The following KIRREL3 variants were observed in gnomAD, a reference collection of about 807,000 sequenced individuals.
KIRREL3 encodes kin of IRRE-like protein 3.
A neutral mutation model predicts 89.7 loss-of-function variants in KIRREL3; 36 were observed. The ratio of observed to expected loss-of-function variants is 0.40; its 90% CI spans 0.31 to 0.53. The LOEUF (loss-of-function observed/expected upper bound fraction) is 0.53. Ranked by LOEUF, KIRREL3 falls within the 20% of genes least tolerant of loss-of-function variation. The pLI is 0.49. For synonymous variants in KIRREL3, 445 were observed against 441.4 expected (o/e 1.01, Z -0.10); for missense variants, 864 against 1,056.6 (o/e 0.82, Z 2.53).
chr11:126,979,946 T>G (rs780996643), intron 1 of KIRREL3, among the ~76,000 whole-genome samples: 2 of 152,148 alleles, frequency 1.3e-5, no homozygotes, highest in Non-Finnish European at 2.9e-5. Flanking sequence ...TTTAAAACAT[T>G]AGAGTTTCTC....
chr11:126,675,672 G>C (rs896545576), intron 1 of KIRREL3, among the ~76,000 whole-genome samples: 2 of 152,170 alleles, frequency 1.3e-5, no homozygotes, highest in African/African-American at 4.8e-5. Flanking sequence ...GGATGACTGG[G>C]AGCCAACCAT....
At chr11:126,671,704 G>A (rs1008541178) in intron 1 of KIRREL3, among the ~76,000 whole-genome samples, 5 of 151,716 alleles carry the variant, frequency 3.3e-5, no homozygotes. Context: ...CTGTCATTAG[G>A]GAAATGCAAA....
chr11:126,494,606 T>C (rs558892889), intron 4 of KIRREL3, among the ~76,000 whole-genome samples: 136 of 152,236 alleles, frequency 8.9e-4, no homozygotes, highest in Non-Finnish European at 1.7e-3. Flanking sequence ...TTGGGTACCC[T>C]TTACATTTTG....
chr11:126,457,370 C>CGT (rs58386771), intron 6 of KIRREL3, among the ~76,000 whole-genome samples: 96,147 of 149,696 alleles, frequency 0.64, 31,010 homozygotes, highest in East Asian at 0.85. Context: ...TGTGTGTATG[C>CGT]GTGTATGTGT....
At chr11:126,538,766 A>C (rs1046962270) in intron 2 of KIRREL3, among the ~76,000 whole-genome samples, 3 of 152,242 alleles carry the variant, frequency 2.0e-5, no homozygotes, top group African/African-American at 7.2e-5. Flanking sequence ...AGCAATCTCC[A>C]AGTCCCCAGG....
rs540935969 is a variant in KIRREL3, at chr11:126,991,593, C to A, written c.55+8862G>T. ...GTTATTTCCTCTGGAAACTTTGTAC[C>A]CCGAGGTAAAACTGAATGCCAGAAA... On this transcript the variant is annotated intron_variant, in intron 1 of 16. Coordinates refer to ENST00000525144, the MANE Select transcript of KIRREL3 (RefSeq NM_032531.4). The surrounding 1 kb of genome is among the most constrained non-coding windows in gnomAD (Gnocchi z 5.8). Among the ~76,000 whole-genome samples the A allele has an allele frequency of 1.6e-4, 25 of 152,110 alleles. No homozygotes were observed. The highest frequency in any genetic ancestry group is 6.0e-4 in the African/African-American group (25 of 41,484).
intron 1 of KIRREL3, among the ~76,000 whole-genome samples, chr11:126,889,158 C>T (rs914333049): frequency 1.5e-4 from 23 of 152,206 alleles, no homozygotes; most frequent in African/African-American, 5.1e-4. Context: ...ACTGCAAACA[C>T]GTCCATCACC....
chr11:126,430,072 C>T lies in KIRREL3; in HGVS notation c.1697-784G>A, dbSNP rs4937130. On this transcript the variant is annotated intron_variant, in intron 14 of 16. Coordinates refer to ENST00000525144, the MANE Select transcript of KIRREL3 (RefSeq NM_032531.4). This position sits in a 1 kb window ranked among gnomAD's most constrained non-coding sequence, Gnocchi z 6.6. The stretch of plus-strand genomic sequence containing the variant: ...TCGCTTGAATGAACCCGGGAGGCAG[C>T]GGCTGCGGTAAGCCGAGATTGTGCC... Among the ~76,000 whole-genome samples, 1 of 151,420 alleles carries T rather than the reference C, an allele frequency of 6.6e-6. No individual in the cohort carries two copies. The highest frequency in any genetic ancestry group is 1.5e-5 in the Non-Finnish European group (1 of 67,896).
At position 126,797,139 on chromosome 11, in the gene KIRREL3, G is replaced by C. The variant is rs968568475; in HGVS notation, c.55+203316C>G. Among the ~76,000 whole-genome samples the C allele has an allele frequency of 6.6e-6, 1 of 152,194 alleles. No homozygotes were observed. Among genetic ancestry groups the C allele is most frequent in the Non-Finnish European group, 1.5e-5 (1 of 68,026 alleles). On this transcript the variant is annotated intron_variant, in intron 1 of 16. Transcript: ENST00000525144. This position sits in a 1 kb window ranked among gnomAD's most constrained non-coding sequence, Gnocchi z 4.9. ...GGGGCCACCTGGAGTTAGCAAATCA[G>C]AGGCTTGGGGATGTGGCACTGAATT...
Position 126,755,608 on chromosome 11 carries a change from G to A in KIRREL3, c.56-192696C>T, listed in dbSNP as rs1037134574. ...TAGGCCTACAATAGGAAAGGTCTGC[G>A]TGCTGACACTCTCAACTTCCCTGAG... is the stretch of plus-strand genomic sequence containing the variant. On this transcript the variant is annotated intron_variant, in intron 1 of 16. Coordinates refer to ENST00000525144, the MANE Select transcript of KIRREL3 (RefSeq NM_032531.4). This position sits in a 1 kb window ranked among gnomAD's most constrained non-coding sequence, Gnocchi z 4.3. Among the ~76,000 whole-genome samples the A allele has an allele frequency of 1.3e-5, 2 of 152,122 alleles. No individual in the cohort carries two copies. The highest frequency in any genetic ancestry group is 2.9e-5 in the Non-Finnish European group (2 of 68,036).
At chr11:126,693,734 G>A (rs1001886743) in intron 1 of KIRREL3, among the ~76,000 whole-genome samples, 4 of 152,212 alleles carry the variant, frequency 2.6e-5, no homozygotes, top group Admixed American at 6.5e-5. Context: ...AATGTAAATT[G>A]AGGCAGGATT....
rs1950072312 is a variant in KIRREL3, at chr11:126,773,266, G to T, written c.56-210354C>A. On this transcript the variant is annotated intron_variant, in intron 1 of 16. Coordinates refer to ENST00000525144, the MANE Select transcript of KIRREL3 (RefSeq NM_032531.4). The surrounding 1 kb of genome is among the most constrained non-coding windows in gnomAD (Gnocchi z 4.2). ...GATGAGGTTAACACTCTTGAATCAG[G>T]GGACTGAGTGAAGTCAATACAGTGT... Among the ~76,000 whole-genome samples, 1 of 152,150 alleles carries T rather than the reference G, an allele frequency of 6.6e-6. No homozygotes were observed. The highest frequency in any genetic ancestry group is 2.4e-5 in the African/African-American group (1 of 41,436).
Position 126,687,892 on chromosome 11 carries a change from C to G in KIRREL3, c.56-124980G>C, listed in dbSNP as rs528187590. Among the ~76,000 whole-genome samples, 45 of 152,334 alleles carry G rather than the reference C, an allele frequency of 3.0e-4. No individual in the cohort carries two copies. The highest frequency in any genetic ancestry group is 1.0e-3 in the African/African-American group (42 of 41,570). ...TCCACTGCCAGCGAGGGAGAAAGCCCTCCTAGGCCCGAAGCAGCAAAAGAA... is the reference window on the plus strand; with the variant it reads ...TCCACTGCCAGCGAGGGAGAAAGCCGTCCTAGGCCCGAAGCAGCAAAAGAA... On this transcript the variant is annotated intron_variant, in intron 1 of 16. Transcript: ENST00000525144. The surrounding 1 kb of genome is among the most constrained non-coding windows in gnomAD (Gnocchi z 4.6).
At chr11:126,433,420 C>A (rs1031608332) in intron 13 of KIRREL3, among the ~76,000 whole-genome samples, 1 of 152,176 alleles carries the variant, frequency 6.6e-6, no homozygotes, top group African/African-American at 2.4e-5. Context: ...GCCCTCCGGC[C>A]AGAGGGAGCT....
intron 11 of KIRREL3, among the ~76,000 whole-genome samples, chr11:126,438,484 T>TACA (rs1955444240): frequency 6.6e-6 from 1 of 152,210 alleles, no homozygotes; most frequent in Admixed American, 6.5e-5. Context: ...CCCTGGCCTC[T>TACA]ACACACCCGG....
At position 126,436,759 on chromosome 11, in the gene KIRREL3, G is replaced by A. The variant is rs1239731665; in HGVS notation, c.1552+52C>T. Reference sequence around the variant, plus strand: ...CGCGCCCTGACCTAGGTGAGGAGAGGGCCCTCTGGTTCCATCGTTCGTTGT... The same window carrying A: ...CGCGCCCTGACCTAGGTGAGGAGAGAGCCCTCTGGTTCCATCGTTCGTTGT... On this transcript the variant is annotated intron_variant, in intron 12 of 16. Coordinates refer to ENST00000525144, the MANE Select transcript of KIRREL3 (RefSeq NM_032531.4). 1.3e-5 allele frequency: 21 copies of A among 1,599,816 alleles called. No individual in the cohort carries two copies. The East Asian group carries it at 4.7e-4, about 36-fold the overall frequency.
At chr11:126,644,521 G>A (rs1198629683) in intron 1 of KIRREL3, among the ~76,000 whole-genome samples, 2 of 152,218 alleles carry the variant, frequency 1.3e-5, no homozygotes, top group Non-Finnish European at 2.9e-5. Context: ...GGAGGTCAGA[G>A]GCTTGGGAGG....
chr11:126,604,184 A>G (rs921878955), intron 1 of KIRREL3, among the ~76,000 whole-genome samples: 3 of 152,140 alleles, frequency 2.0e-5, no homozygotes, highest in Non-Finnish European at 4.4e-5. Flanking sequence ...TCCTTGTGCT[A>G]TCTCCTCCGG....
rs116739244 is a variant in KIRREL3, at chr11:126,730,696, C to T, written c.56-167784G>A. On this transcript the variant is annotated intron_variant, in intron 1 of 16. Coordinates refer to ENST00000525144, the MANE Select transcript of KIRREL3 (RefSeq NM_032531.4). Reference sequence around the variant, plus strand: ...CAAGAACCAAAATGGCGGTAGTCCCCAGGTAAAGAAAACCTGGCTTACAAC... The same window carrying T: ...CAAGAACCAAAATGGCGGTAGTCCCTAGGTAAAGAAAACCTGGCTTACAAC... Among the ~76,000 whole-genome samples the T allele has an allele frequency of 2.6e-3, 402 of 152,270 alleles. 2 individuals carry two copies. Among genetic ancestry groups the T allele is most frequent in the African/African-American group, 9.2e-3 (381 of 41,556 alleles).
Sources: allele counts gnomAD v4.1 joint callset (sites outside exome capture counted in the v4.1 genomes callset), GRCh38; gene constraint gnomAD v4.1.1; non-coding constraint Gnocchi (gnomAD v3.1); transcripts MANE v1.5; gene names NCBI Gene and HGNC (gene_info 2026-07-23, HGNC 2026-07-21).